Variants in IQCH observed in about 807,000 individuals in gnomAD.
The protein encoded by IQCH is IQ domain-containing protein H.
In IQCH, 98 loss-of-function variants were observed where a neutral mutation model predicts 117.0. The ratio of observed to expected loss-of-function variants is 0.84; its 90% CI spans 0.71 to 0.99. The LOEUF is 0.99. IQCH is among the 50% of genes least tolerant of loss of function. IQCH has a pLI of 0.00. For synonymous variants in IQCH, 412 were observed against 448.2 expected (o/e 0.92, Z 1.02); for missense variants, 1,102 against 1,243.8 (o/e 0.89, Z 1.72).
rs1287774636 is a variant in IQCH at position 67,474,105 on chromosome 15, G to T, written c.2677-1591G>T. 8.8e-6 allele frequency among the ~76,000 whole-genome samples: 1 copy of T among 113,264 alleles called. No homozygotes were observed. Among genetic ancestry groups the T allele is most frequent in the Non-Finnish European group, 1.9e-5 (1 of 52,940 alleles). The allele number at this position is 113,264 out of a possible 152,430, so 74.3% of individuals were successfully genotyped here. On this transcript the variant is annotated intron_variant, in intron 17 of 20. Coordinates refer to ENST00000335894, the MANE Select transcript of IQCH (RefSeq NM_001031715.3). This position sits in a 1 kb window ranked among gnomAD's most constrained non-coding sequence, Gnocchi z 4.1. The stretch of plus-strand genomic sequence containing the variant: ...GTGTGTGTGTGTGTGTGTGTGTGTG[G>T]AGAGGGAGAGAGGGATGCAGGAGAG...
intron 18 of IQCH, among the ~76,000 whole-genome samples, chr15:67,485,740 C>A (rs2083456308): frequency 6.6e-6 from 1 of 152,146 alleles, no homozygotes; most frequent in African/African-American, 2.4e-5. Context: ...CTCACTGCAA[C>A]CTCCGCCTTC....
At chr15:67,412,299 CCT>C (rs1170867574) in intron 14 of IQCH, among the ~76,000 whole-genome samples, 1 of 152,136 alleles carries the variant, frequency 6.6e-6, no homozygotes, top group African/African-American at 2.4e-5. Flanking sequence ...TGGATAATAG[CCT>C]CTCTGAAACA....
intron 4 of IQCH, among the ~76,000 whole-genome samples, chr15:67,322,571 C>A (rs923952145): frequency 6.6e-6 from 1 of 152,142 alleles, no homozygotes; most frequent in Admixed American, 6.5e-5. Flanking sequence ...GCGACATACA[C>A]CCTGGGCCTT....
At chr15:67,312,778 A>G (rs1387909950) in intron 4 of IQCH, among the ~76,000 whole-genome samples, 1 of 152,198 alleles carries the variant, frequency 6.6e-6, no homozygotes, top group Non-Finnish European at 1.5e-5. Context: ...ATTAGCCACA[A>G]GAGAAATGGG....
In IQCH at chr15:67,395,282, T is replaced by G. The variant is rs553558518; in HGVS notation, c.1633-9T>G. 1.5e-5 allele frequency: 24 copies of G among 1,606,972 alleles called. No homozygotes were observed. The African/African-American group carries it at 2.3e-4, about 15-fold the overall frequency. On this transcript the variant is annotated splice_polypyrimidine_tract_variant and intron_variant, in intron 12 of 20. Transcript: ENST00000335894. This position sits in a 1 kb window ranked among gnomAD's most constrained non-coding sequence, Gnocchi z 4.0. The stretch of plus-strand genomic sequence containing the variant: ...ACCTTTTAACAAGAATAATATGATC[T>G]TCCCCCAGAAGCATCATATGTGCCT...
At position 67,372,811 on chromosome 15, in the gene IQCH, A is replaced by G. The variant is rs944674947; in HGVS notation, c.1305+149A>G. 6.3e-6 allele frequency: 4 copies of G among 635,554 alleles called. No individual in the cohort carries two copies. In the Admixed American group the frequency reaches 9.5e-5, roughly 15 times the overall value. 39.4% of individuals were successfully genotyped at this position (635,554 alleles called of 1,614,324 possible). A position where few individuals can be genotyped will look rare whatever the true frequency, so the allele number is the denominator to read the frequency against. On this transcript the variant is annotated intron_variant, in intron 9 of 20. Coordinates refer to ENST00000335894, the MANE Select transcript of IQCH (RefSeq NM_001031715.3). ...CCACGCCTTTCACTCCCCTCAATGT[A>G]TGATGCACAAACCCCACATTTGTTT... is the stretch of plus-strand genomic sequence containing the variant.
intron 6 of IQCH, among the ~76,000 whole-genome samples, chr15:67,344,743 A>G: frequency 6.6e-6 from 1 of 152,362 alleles, no homozygotes; most frequent in South Asian, 2.1e-4. Context: ...TTATTTAACT[A>G]AACTGTAATA....
intron 4 of IQCH, among the ~76,000 whole-genome samples, chr15:67,309,403 T>G (rs1368345318): frequency 1.3e-5 from 2 of 152,112 alleles, no homozygotes; most frequent in Non-Finnish European, 2.9e-5. Flanking sequence ...GGGACCTTGT[T>G]GTCTGTTCTG....
At chr15:67,435,786 C>G (rs2082123082) in intron 16 of IQCH, among the ~76,000 whole-genome samples, 1 of 151,290 alleles carries the variant, frequency 6.6e-6, no homozygotes, top group Non-Finnish European at 1.5e-5. Context: ...GCACGAGAAT[C>G]TCTTGAACCC....
rs1596031707 is a variant in IQCH at position 67,254,933 on chromosome 15, T to A, written c.37T>A (p.Ser13Thr). 6.2e-7 allele frequency: 1 copy of A among 1,613,666 alleles called. No individual in the cohort carries two copies. Residue 13 changes from serine (S) to threonine (T), a missense_variant, in exon 1 of 21, where the codon TCC becomes ACC. By Grantham distance (58) the Ser-to-Thr change is moderately conservative. This residue lies in a region of IQCH where 452 missense variants were observed against 449.6 expected (regional missense o/e 1.01). Coordinates refer to ENST00000335894, the MANE Select transcript of IQCH (RefSeq NM_001031715.3). ...QNTENHDPVG[S>T]ILIQIHEDLY... ...CACTGAAAACCACGACCCTGTCGGA[T>A]CCATCTTAATCCAGGTGGGAAACGG...
chr15:67,340,464 A>AAAAAAAAAC (rs1969118178), intron 5 of IQCH, among the ~76,000 whole-genome samples: 1 of 136,056 alleles, frequency 7.3e-6, no homozygotes, highest in Non-Finnish European at 1.6e-5. Flanking sequence ...AAAAAAAAAA[A>AAAAAAAAAC]CAGTAACTTG....
In IQCH at chr15:67,342,512, A is replaced by G. The variant is rs1969218399; in HGVS notation, c.509-1551A>G. 6.6e-6 allele frequency among the ~76,000 whole-genome samples: 1 copy of G among 152,230 alleles called. No individual in the cohort carries two copies. ...CGTGCTTATAGTCTTCAGAATTCTC[A>G]GAAAATGAAACTGACTCTTGAAATG... On this transcript the variant is annotated intron_variant, in intron 5 of 20. Coordinates refer to ENST00000335894, the MANE Select transcript of IQCH (RefSeq NM_001031715.3). This position sits in a 1 kb window ranked among gnomAD's most constrained non-coding sequence, Gnocchi z 4.7.
intron 4 of IQCH, among the ~76,000 whole-genome samples, chr15:67,332,962 T>C (rs1304167238): frequency 6.6e-6 from 1 of 152,196 alleles, no homozygotes; most frequent in East Asian, 1.9e-4. Flanking sequence ...TCTCACAGTT[T>C]TGGAAGCTGA....
chr15:67,320,682 T>C (rs1189591230), intron 4 of IQCH, among the ~76,000 whole-genome samples: 1 of 152,206 alleles, frequency 6.6e-6, no homozygotes, highest in Non-Finnish European at 1.5e-5. Flanking sequence ...CATTTGTCTT[T>C]TATTAATAGC....
intron 14 of IQCH, among the ~76,000 whole-genome samples, chr15:67,412,332 C>A (rs547355638): frequency 1.3e-5 from 2 of 152,304 alleles, no homozygotes; most frequent in East Asian, 3.9e-4. Flanking sequence ...CGCCCATCGT[C>A]CATCACCTTG....
In IQCH at chr15:67,445,311, T is replaced by G. The variant is rs2140976709; in HGVS notation, c.2506-19816T>G. On this transcript the variant is annotated intron_variant, in intron 16 of 20. Transcript: ENST00000335894. This position sits in a 1 kb window ranked among gnomAD's most constrained non-coding sequence, Gnocchi z 4.3. ...ATATTTTGCTTTCTTAAACATAAGATTCATTGTGTCCCCTATTGTTCTGAG... is the reference window on the plus strand; with the variant it reads ...ATATTTTGCTTTCTTAAACATAAGAGTCATTGTGTCCCCTATTGTTCTGAG... Among the ~76,000 whole-genome samples the G allele has an allele frequency of 6.6e-6, 1 of 152,332 alleles. No homozygotes were observed. The highest frequency in any genetic ancestry group is 2.1e-4 in the South Asian group (1 of 4,830).
At chr15:67,351,207 A>C (rs998165824) in intron 6 of IQCH, among the ~76,000 whole-genome samples, 2 of 152,156 alleles carry the variant, frequency 1.3e-5, no homozygotes, top group Admixed American at 1.3e-4. Flanking sequence ...ATCTGCACGC[A>C]TTAGGTATTT....
At chr15:67,377,675 C>T (rs1192344240) in intron 10 of IQCH, among the ~76,000 whole-genome samples, 1 of 152,130 alleles carries the variant, frequency 6.6e-6, no homozygotes, top group Non-Finnish European at 1.5e-5. Flanking sequence ...ATATGGGGCT[C>T]TGCTGCTGTG....
At position 67,421,314 on chromosome 15, in the gene IQCH, C is replaced by T. The variant is rs777929352; in HGVS notation, c.2242C>T (p.Pro748Ser). 6.2e-7 allele frequency: 1 copy of T among 1,614,136 alleles called. No homozygotes were observed. The highest frequency in any genetic ancestry group is 1.1e-5 in the South Asian group (1 of 91,060). ...SQGGVIEAFPPADNVTNLTVD... is the reference protein window; with the variant it reads ...SQGGVIEAFPSADNVTNLTVD... ...AGGGGGTGTGATCGAAGCATTCCCA[C>T]CTGCAGACAATGTCACCAACCTCAC... The change falls in exon 16 of 21, where the codon CCT (proline) becomes TCT (serine). Residue 748 changes from proline to serine, a missense_variant. Coordinates refer to ENST00000335894, the MANE Select transcript of IQCH (RefSeq NM_001031715.3).
Sources: allele counts gnomAD v4.1 joint callset (sites outside exome capture counted in the v4.1 genomes callset), GRCh38; gene constraint gnomAD v4.1.1; regional missense constraint gnomAD v4.1.1; non-coding constraint Gnocchi (gnomAD v3.1); transcripts MANE v1.5; gene names NCBI Gene and HGNC (gene_info 2026-07-23, HGNC 2026-07-21).